ENOSF1: variants seen among roughly 807,000 people sequenced by gnomAD.
ENOSF1 encodes mitochondrial enolase superfamily member 1.
In ENOSF1, 73 loss-of-function variants were observed where a neutral mutation model predicts 68.2. The ratio of observed to expected loss-of-function variants is 1.07; its 90% CI spans 0.89 to 1.30. ENOSF1 has a LOEUF of 1.30. Among genes scored for constraint, ENOSF1 ranks in the 50% most tolerant of loss-of-function variants. The pLI is 0.00. For synonymous variants in ENOSF1, 223 were observed against 210.4 expected, an observed-to-expected ratio of 1.06 and a Z score of -0.52; for missense variants, 589 against 554.5, an observed-to-expected ratio of 1.06 and a Z score of -0.62.
chr18:669,366 A>ATTTTTTTTTTTTTTTTT (rs68090938), downstream of ENOSF1: 1 of 182,354 alleles, frequency 5.5e-6, no homozygotes, highest in Non-Finnish European at 1.0e-5. Flanking sequence ...GGCCCAGAGG[A>ATTTTTTTTTTTTTTTTT]TTTTTTTTTT....
At chr18:708,357 G>T (rs889570583) in intron 1 of ENOSF1, among the ~76,000 whole-genome samples, 2 of 152,032 alleles carry the variant, frequency 1.3e-5, no homozygotes, top group Non-Finnish European at 2.9e-5. Context: ...GTCTGCCCTT[G>T]AGGAGGTTAC....
chr18:705,020 G>C (rs2078784946), intron 2 of ENOSF1, among the ~76,000 whole-genome samples: 1 of 152,196 alleles, frequency 6.6e-6, no homozygotes, highest in African/African-American at 2.4e-5. Flanking sequence ...AGCAGTAACA[G>C]CAGCCACCTG....
chr18:668,618 A>G (rs2074906287), downstream of ENOSF1, among the ~76,000 whole-genome samples: 1 of 152,222 alleles, frequency 6.6e-6, no homozygotes, highest in Non-Finnish European at 1.5e-5. Flanking sequence ...GTTGGAAAGT[A>G]TATGGAATAC....
In ENOSF1 at chr18:674,347, A is replaced by G. The variant is rs550769807; in HGVS notation, c.1290T>C (p.Asp430=). ...GAAGGAGTTTCTTCCAAACTTCACC[A>G]TCTGGATACTGGTGTTTCTTTACAG... ...EESVKKHQYP[D]GEVWKKLLPA... is the part of the protein sequence containing the mutation. The change falls in exon 16 of 16, where the codon GAT becomes GAC. Residue 430 remains aspartate (D), a synonymous_variant. Transcript: ENST00000647584. The G allele has an allele frequency of 1.9e-6, 3 of 1,612,664 alleles. No individual in the cohort carries two copies. The highest frequency in any genetic ancestry group is 2.5e-6 in the Non-Finnish European group (3 of 1,179,500).
intron 2 of ENOSF1, among the ~76,000 whole-genome samples, chr18:699,536 T>C (rs1395082325): frequency 1.3e-5 from 2 of 152,032 alleles, no homozygotes; most frequent in Non-Finnish European, 2.9e-5. Flanking sequence ...TTTAAGATGA[T>C]GAATAAGTAA....
intron 2 of ENOSF1, among the ~76,000 whole-genome samples, chr18:701,614 C>T (rs556111584): frequency 3.9e-5 from 6 of 151,988 alleles, no homozygotes; most frequent in African/African-American, 9.6e-5. Context: ...AAAAATTAGC[C>T]GGGCGTGGTG....
At chr18:695,406 CCATTT>C (rs1373732373) in intron 3 of ENOSF1, among the ~76,000 whole-genome samples, 1 of 152,148 alleles carries the variant, frequency 6.6e-6, no homozygotes, top group Non-Finnish European at 1.5e-5. Context: ...TGTGAAGTTA[CCATTT>C]CATTTTCCAA....
chr18:672,848 T>C lies in ENOSF1; in HGVS notation c.*1457A>G. ...CAATTATGGCAAAATAATGGCCTTA[T>C]TTTGTTTTTAGCTTCAGCGAGAACC... On this transcript the variant is annotated 3_prime_UTR_variant, in exon 16 of 16. Transcript: ENST00000647584. The C allele has an allele frequency of 6.5e-7, 1 of 1,549,938 alleles. No individual in the cohort carries two copies. Among genetic ancestry groups the C allele is most frequent in the Non-Finnish European group, 8.8e-7 (1 of 1,134,268 alleles).
intron 3 of ENOSF1, 47 bp from the exon 4 acceptor site, chr18:694,381 A>C: frequency 6.4e-7 from 1 of 1,574,254 alleles, no homozygotes; most frequent in Non-Finnish European, 8.7e-7. Flanking sequence ...AATGAAAAAG[A>C]GGGCTGGGTG....
At chr18:690,710 T>TC in intron 7 of ENOSF1, 79 bp from the exon 8 acceptor site, 3 of 1,590,262 alleles carry the variant, frequency 1.9e-6, no homozygotes, top group African/African-American at 1.3e-5. Context: ...CTAAGCTGTT[T>TC]CCCCTGGAGA....
intron 14 of ENOSF1, among the ~76,000 whole-genome samples, chr18:676,062 A>G (rs2075482214): frequency 6.6e-6 from 1 of 152,238 alleles, no homozygotes; most frequent in Non-Finnish European, 1.5e-5. Context: ...CCCAAAAAAT[A>G]AAATCACCAA....
chr18:678,013 T>C, intron 12 of ENOSF1, 141 bp from the exon 13 acceptor site: 1 of 1,040,048 alleles, frequency 9.6e-7, no homozygotes, highest in Non-Finnish European at 1.4e-6. Context: ...TTCTTCTTTG[T>C]TCTCGCTGGG....
rs923924359 is a variant in ENOSF1, at chr18:673,096, G to C, written c.*1209C>G. 5.1e-5 allele frequency: 68 copies of C among 1,327,492 alleles called. No homozygotes were observed. The highest frequency in any genetic ancestry group is 5.8e-5 in the Non-Finnish European group (58 of 993,122). The allele number at this position is 1,327,492 out of a possible 1,614,324, so 82.2% of individuals were successfully genotyped here. ...TTTGCTCTAAAAGAAAAAGGAACTA[G>C]GTCAAAAATCTGTCCGTGACCTATC... On this transcript the variant is annotated 3_prime_UTR_variant, in exon 16 of 16. Coordinates refer to ENST00000647584, the MANE Select transcript of ENOSF1 (RefSeq NM_017512.7).
At chr18:684,645 G>C (rs1253745818) in intron 10 of ENOSF1, among the ~76,000 whole-genome samples, 1 of 152,120 alleles carries the variant, frequency 6.6e-6, no homozygotes, top group Non-Finnish European at 1.5e-5. Context: ...CTAGTGAATG[G>C]TGAGTTCAAG....
rs555387034 is a variant in ENOSF1, at chr18:677,408, C to G, written c.1085G>C (p.Cys362Ser). 3.0e-5 allele frequency: 49 copies of G among 1,613,562 alleles called. No individual in the cohort carries two copies. The highest frequency in any genetic ancestry group is 3.9e-5 in the Non-Finnish European group (46 of 1,179,932). ...TATAATCAGGTGCTGCACCAGTTCA[C>G]AGAGGCCAACTCCACCAGCATGGGG... ...VCPHAGGVGL[C>S]ELVQHLIIFD... Residue 362 changes from cysteine to serine, a missense_variant, in exon 14 of 16, where the codon TGT becomes TCT. Transcript: ENST00000647584.
chr18:666,834 G>A (rs140744393), downstream of ENOSF1, among the ~76,000 whole-genome samples: 25 of 152,342 alleles, frequency 1.6e-4, no homozygotes, highest in African/African-American at 6.0e-4. Context: ...GGGAGGAATG[G>A]GGAGTTCATG....
intron 11 of ENOSF1, among the ~76,000 whole-genome samples, chr18:680,956 C>T (rs1020188697): frequency 2.6e-5 from 4 of 152,088 alleles, no homozygotes; most frequent in Non-Finnish European, 5.9e-5. Context: ...CGCCATTCTC[C>T]TGCCTCAGCC....
Position 703,754 on chromosome 18 carries a change from T to C in ENOSF1, c.193+2716A>G, listed in dbSNP as rs565893166. Among the ~76,000 whole-genome samples, 8 of 152,286 alleles carry C rather than the reference T, an allele frequency of 5.3e-5. No individual in the cohort carries two copies. The South Asian group carries it at 1.5e-3, about 28-fold the overall frequency. Reference sequence around the variant, plus strand: ...TTACCCCCTGAGATGGTTTAGACATTCTGCACAAATTTCATGTTGAAGTGT... The same window carrying C: ...TTACCCCCTGAGATGGTTTAGACATCCTGCACAAATTTCATGTTGAAGTGT... On this transcript the variant is annotated intron_variant, in intron 2 of 15. Transcript: ENST00000647584.
chr18:663,876 AT>A, the ENOSF1 span, among the ~76,000 whole-genome samples: 3 of 91,932 alleles, frequency 3.3e-5, 1 homozygote, highest in African/African-American at 1.9e-4. Flanking sequence ...ATTGATCTAT[AT>A]GTCTGTTTTG....
Sources: allele counts gnomAD v4.1 joint callset (sites outside exome capture counted in the v4.1 genomes callset), GRCh38; gene constraint gnomAD v4.1.1; transcripts MANE v1.5; gene names NCBI Gene and HGNC (gene_info 2026-07-23, HGNC 2026-07-21).